PCDHGB4: variants seen among roughly 807,000 people sequenced by gnomAD.
The protein encoded by PCDHGB4 is protocadherin gamma subfamily B, 4.
In PCDHGB4, 38 loss-of-function variants were observed where a neutral mutation model predicts 60.5. The observed-to-expected ratio is 0.63, with a 90% CI of 0.48 to 0.82. The LOEUF (loss-of-function observed/expected upper bound fraction) is 0.82, where lower values mean the gene tolerates loss of function less well. PCDHGB4 is among the 40% of genes least tolerant of loss of function. PCDHGB4 has a pLI of 0.00. For missense variants in PCDHGB4, 1,109 were observed against 1,209.6 expected (o/e 0.92, Z 1.23); for synonymous variants, 456 against 509.7 (o/e 0.89, Z 1.42).
In PCDHGB4 at chr5:141,477,696, A is replaced by T. The variant is rs778604051; in HGVS notation, c.2398-17111A>T. The T allele has an allele frequency of 2.1e-5, 34 of 1,614,054 alleles. No individual in the cohort carries two copies. Among genetic ancestry groups the T allele is most frequent in the Non-Finnish European group, 2.9e-5 (34 of 1,180,044 alleles). On this transcript the variant is annotated intron_variant, in intron 1 of 3. Transcript: ENST00000519479. This position sits in a 1 kb window ranked among gnomAD's most constrained non-coding sequence, Gnocchi z 4.9. ...GTGTCATCCTTAGTGCCCCTAGACT[A>T]TGAGGATCGGCGGGAATTTGAATTA...
chr5:141,438,621 TATATATATATATATACACACAC>T (rs2098027070), intron 1 of PCDHGB4, among the ~76,000 whole-genome samples: 1 of 41,368 alleles, frequency 2.4e-5, no homozygotes, highest in Non-Finnish European at 4.0e-5. Flanking sequence ...TATATATATA[TATATATATATATATACACACAC>T]ACACACACAT....
intron 1 of PCDHGB4, chr5:141,392,779 T>A: frequency 6.5e-7 from 1 of 1,534,720 alleles, no homozygotes; most frequent in Non-Finnish European, 8.8e-7. Flanking sequence ...TTATGCACAG[T>A]GAAGATTCTG....
At chr5:141,433,208 CTT>C (rs745329085) in intron 1 of PCDHGB4, 289 of 1,287,502 alleles carry the variant, frequency 2.2e-4, no homozygotes, top group South Asian at 2.8e-4. Context: ...AATCTTCTTT[CTT>C]TTTTTTTTTT....
In PCDHGB4 at chr5:141,388,040, G is replaced by A. The variant is rs1561617548; in HGVS notation, c.156G>A (p.Thr52=). 7.1e-7 allele frequency: 1 copy of A among 1,412,748 alleles called. No homozygotes were observed. The highest frequency in any genetic ancestry group is 9.6e-7 in the Non-Finnish European group (1 of 1,037,290). 87.5% of individuals were successfully genotyped at this position (1,412,748 alleles called of 1,614,324 possible). A position where few individuals can be genotyped will look rare whatever the true frequency, so the allele number is the denominator to read the frequency against. The change falls in exon 1 of 4, where the codon ACG becomes ACA. Residue 52 remains threonine, a synonymous_variant. Transcript: ENST00000519479. The stretch of plus-strand genomic sequence containing the variant: ...GCTCCGTAGTGGGGAACCTCGCCAC[G>A]GACCTGGGGTTCAGCGTCCAGGAGT... The part of the protein sequence containing the change: ...PKGSVVGNLA[T]DLGFSVQELP...
At chr5:141,395,543 TGTGTGTG>T in intron 1 of PCDHGB4, 1 of 8,204 alleles carries the variant, frequency 1.2e-4, no homozygotes, top group Non-Finnish European at 2.0e-4. Context: ...TGCTATTGTT[TGTGTGTG>T]TGTGTGTGTG....
intron 1 of PCDHGB4, chr5:141,394,820 C>T (rs1480144579): frequency 5.6e-6 from 9 of 1,613,748 alleles, no homozygotes; most frequent in African/African-American, 1.3e-5. Flanking sequence ...ACAGCATCCC[C>T]GAAGTCCTGA....
chr5:141,488,552 A>C (rs993681273), intron 1 of PCDHGB4, among the ~76,000 whole-genome samples: 1 of 152,194 alleles, frequency 6.6e-6, no homozygotes, highest in African/African-American at 2.4e-5. Context: ...GTCAGCTGAC[A>C]TTGAGATTTC....
At chr5:141,455,860 ATTATTTATTTATTTATTTATTTAT>A (rs145569377) in intron 1 of PCDHGB4, among the ~76,000 whole-genome samples, 10 of 139,848 alleles carry the variant, frequency 7.2e-5, no homozygotes, top group Admixed American at 5.1e-4. Flanking sequence ...AATTTCTTTT[ATTATTTATTTATTTATTTATTTAT>A]TTATTTATTT....
At chr5:141,454,997 A>G (rs2098809547) in intron 1 of PCDHGB4, among the ~76,000 whole-genome samples, 2 of 151,192 alleles carry the variant, frequency 1.3e-5, no homozygotes, top group Admixed American at 6.6e-5. Flanking sequence ...TATTTTTAGT[A>G]GAGACGGGGT....
At chr5:141,479,620 G>A (rs2099501211) in intron 1 of PCDHGB4, 2 of 152,192 alleles carry the variant, frequency 1.3e-5, no homozygotes, top group African/African-American at 4.8e-5. Context: ...GGGAAACCAT[G>A]TCTCTTTAAC....
chr5:141,482,505 C>T (rs1183998287), intron 1 of PCDHGB4, among the ~76,000 whole-genome samples: 1 of 122,986 alleles, frequency 8.1e-6, no homozygotes, highest in African/African-American at 3.4e-5. Context: ...TTCTGGTACC[C>T]AGAGTACAGT....
chr5:141,421,362 C>T (rs2096566609), intron 1 of PCDHGB4: 1 of 1,613,998 alleles, frequency 6.2e-7, no homozygotes, highest in African/African-American at 1.3e-5. Context: ...AGGGCTCCTT[C>T]GTGGGCAATA....
chr5:141,403,069 A>G (rs747569947), intron 1 of PCDHGB4: 3 of 1,613,954 alleles, frequency 1.9e-6, no homozygotes, highest in African/African-American at 2.7e-5. Flanking sequence ...CTGAAGAGAC[A>G]GAAAAGGGCT....
At chr5:141,420,006 G>C (rs2096458103) in intron 1 of PCDHGB4, 2 of 1,613,934 alleles carry the variant, frequency 1.2e-6, no homozygotes, top group Admixed American at 3.3e-5. Flanking sequence ...CTACGCCTGC[G>C]ACAGTCTTTC....
intron 1 of PCDHGB4, among the ~76,000 whole-genome samples, chr5:141,435,651 C>T (rs762264332): frequency 1.4e-4 from 22 of 152,044 alleles, no homozygotes; most frequent in Non-Finnish European, 2.9e-4. Flanking sequence ...ATTTCTGAAA[C>T]GTGCACAGAT....
At chr5:141,460,951 G>GTATATATA (rs200454978) in intron 1 of PCDHGB4, among the ~76,000 whole-genome samples, 42 of 139,772 alleles carry the variant, frequency 3.0e-4, no homozygotes, top group African/African-American at 1.1e-3. Context: ...TATGTATTAT[G>GTATATATA]TATATATATA....
intron 1 of PCDHGB4, chr5:141,417,913 T>A (rs749352432): frequency 1.2e-6 from 2 of 1,601,944 alleles, no homozygotes; most frequent in African/African-American, 1.3e-5. Flanking sequence ...AGGTACTATT[T>A]CCTTTGCTGC....
Position 141,408,587 on chromosome 5 carries a change from C to A in PCDHGB4, c.2397+18306C>A, listed in dbSNP as rs768912219. 3 of 1,613,898 alleles carry A rather than the reference C, an allele frequency of 1.9e-6. No homozygotes were observed. The South Asian group carries it at 3.3e-5, about 18-fold the overall frequency. ...TGTGGTGATTGAGGATGTTAATGACCACGCCCCTCAATTTGATAAAAAGGA... is the reference window on the plus strand; with the variant it reads ...TGTGGTGATTGAGGATGTTAATGACAACGCCCCTCAATTTGATAAAAAGGA... On this transcript the variant is annotated intron_variant, in intron 1 of 3. Transcript: ENST00000519479.
intron 1 of PCDHGB4, chr5:141,410,134 C>T: frequency 6.2e-7 from 1 of 1,612,766 alleles, no homozygotes; most frequent in East Asian, 2.2e-5. Flanking sequence ...GCCTGCTGGT[C>T]GCTGTGCGTG....
Sources: gnomAD v4.1 joint callset for allele counts (sites outside exome capture counted in the v4.1 genomes callset) on GRCh38, gnomAD v4.1.1 for gene constraint, Gnocchi (gnomAD v3.1) non-coding constraint, MANE v1.5 for transcripts, NCBI Gene and HGNC (gene_info 2026-07-23, HGNC 2026-07-21) for gene names.